The following EPHB1 variants were observed in gnomAD, a reference collection of about 807,000 sequenced individuals.
EPHB1 encodes ephrin type-B receptor 1.
In EPHB1, 30 loss-of-function variants were observed where a neutral mutation model predicts 94.4. That is an observed-to-expected ratio of 0.32 (90% CI 0.24 to 0.43). The LOEUF is 0.43. Ranked by LOEUF, EPHB1 falls within the 20% of genes least tolerant of loss-of-function variation. The pLI, the probability that EPHB1 is intolerant of heterozygous loss-of-function variation, is 1.00. For missense variants in EPHB1, 1,055 were observed against 1,308.3 expected, an observed-to-expected ratio of 0.81 and a Z score of 2.99; for synonymous variants, 522 against 489.1, an observed-to-expected ratio of 1.07 and a Z score of -0.89.
intron 4 of EPHB1, among the ~76,000 whole-genome samples, chr3:135,131,334 C>T (rs1940407469): frequency 1.3e-5 from 2 of 152,182 alleles, no homozygotes; most frequent in African/African-American, 4.8e-5. Context: ...ACACAGAATC[C>T]TTCCCTGGTG....
chr3:134,850,736 T>C (rs1371980943), intron 1 of EPHB1, among the ~76,000 whole-genome samples: 2 of 152,218 alleles, frequency 1.3e-5, no homozygotes, highest in East Asian at 3.9e-4. Flanking sequence ...CATTGCCTGC[T>C]CCCATGCTGG....
chr3:134,979,579 G>A (rs1162759703), intron 3 of EPHB1, among the ~76,000 whole-genome samples: 1 of 152,178 alleles, frequency 6.6e-6, no homozygotes, highest in African/African-American at 2.4e-5. Flanking sequence ...AATCTTATAA[G>A]GGAGTTACTA....
At chr3:134,995,185 CTA>C (rs1222446737) in intron 3 of EPHB1, among the ~76,000 whole-genome samples, 1 of 152,122 alleles carries the variant, frequency 6.6e-6, no homozygotes, top group Non-Finnish European at 1.5e-5. Flanking sequence ...TTCTTGATCT[CTA>C]TAATTTTGTC....
At chr3:134,987,659 T>C (rs1025621671) in intron 3 of EPHB1, among the ~76,000 whole-genome samples, 1 of 152,148 alleles carries the variant, frequency 6.6e-6, no homozygotes, top group Admixed American at 6.5e-5. Flanking sequence ...TAGTCCCAGT[T>C]ACTCTGGAGG....
At chr3:135,130,560 T>C (rs577346272) in intron 4 of EPHB1, among the ~76,000 whole-genome samples, 1 of 152,132 alleles carries the variant, frequency 6.6e-6, no homozygotes, top group South Asian at 2.1e-4. Flanking sequence ...GGTTTGAAAA[T>C]GGCAAAGACT....
rs773298865 is a variant in EPHB1 at position 135,259,035 on chromosome 3, C to T, written c.2870C>T (p.Thr957Ile). ...AGAGACCTCCTGAGAATAGGCATCA[C>T]CTTGGCAGGCCATCAGAAGAAGATC... ...TSEDLLRIGI[T>I]LAGHQKKILN... Residue 957 changes from threonine to isoleucine, a missense_variant, in exon 16 of 16, where the codon ACC (threonine) becomes ATC (isoleucine). Thr to Ile is a moderately conservative substitution (Grantham distance 89, BLOSUM62 -1). Coordinates refer to ENST00000398015, the MANE Select transcript of EPHB1 (RefSeq NM_004441.5). The T allele has an allele frequency of 1.1e-5, 18 of 1,609,318 alleles. No individual in the cohort carries two copies. Among genetic ancestry groups the T allele is most frequent in the Non-Finnish European group, 1.5e-5 (18 of 1,178,008 alleles).
chr3:135,241,438 C>A, intron 13 of EPHB1, 141 bp downstream of exon 13: 2 of 1,058,028 alleles, frequency 1.9e-6, no homozygotes, highest in Admixed American at 2.1e-5. Flanking sequence ...ACAGGGACAC[C>A]CTTAGCATGG....
chr3:135,043,737 T>C (rs1407719114), intron 3 of EPHB1, among the ~76,000 whole-genome samples: 1 of 152,204 alleles, frequency 6.6e-6, no homozygotes, highest in African/African-American at 2.4e-5. Flanking sequence ...CTTGCATCCA[T>C]AGAAATGCAG....
chr3:134,898,108 C>G (rs1488918689), intron 1 of EPHB1, among the ~76,000 whole-genome samples: 1 of 152,078 alleles, frequency 6.6e-6, no homozygotes, highest in Non-Finnish European at 1.5e-5. Context: ...GTGAGAGGGA[C>G]CTTACCCTAG....
chr3:134,824,261 C>T (rs1367122952), intron 1 of EPHB1, among the ~76,000 whole-genome samples: 5 of 149,166 alleles, frequency 3.4e-5, no homozygotes, highest in South Asian at 4.2e-4. Flanking sequence ...GACAATGAGG[C>T]GGAGCCAGTC....
intron 1 of EPHB1, among the ~76,000 whole-genome samples, chr3:134,846,660 A>G (rs1199229214): frequency 6.6e-6 from 1 of 151,908 alleles, no homozygotes; most frequent in Non-Finnish European, 1.5e-5. Flanking sequence ...GTCTTTGCAG[A>G]GGGGATGGAA....
At chr3:134,995,702 A>G (rs2107740087) in intron 3 of EPHB1, among the ~76,000 whole-genome samples, 1 of 151,274 alleles carries the variant, frequency 6.6e-6, no homozygotes, top group Middle Eastern at 3.4e-3. Flanking sequence ...GTGGGAATAT[A>G]AAATGGTACA....
At chr3:135,251,965 G>C (rs889017717) in intron 15 of EPHB1, among the ~76,000 whole-genome samples, 31 of 152,148 alleles carry the variant, frequency 2.0e-4, no homozygotes, top group African/African-American at 7.2e-4. Context: ...CTTACCTACT[G>C]TGTGACCTTG....
intron 3 of EPHB1, among the ~76,000 whole-genome samples, chr3:135,029,762 C>T (rs762616475): frequency 5.9e-5 from 9 of 151,844 alleles, no homozygotes; most frequent in Non-Finnish European, 7.4e-5. Flanking sequence ...TGAATCTGAA[C>T]GTTGGCCTGC....
chr3:134,984,113 G>T (rs1034763912), intron 3 of EPHB1, among the ~76,000 whole-genome samples: 2 of 152,214 alleles, frequency 1.3e-5, no homozygotes, highest in South Asian at 2.1e-4. Flanking sequence ...CACTAAAGGG[G>T]TAAAGAGGAT....
chr3:134,894,135 T>G (rs777401655), intron 1 of EPHB1, among the ~76,000 whole-genome samples: 8 of 152,342 alleles, frequency 5.3e-5, no homozygotes, highest in Admixed American at 2.0e-4. Context: ...AAGAGCACCA[T>G]CCCGTCTTCC....
At chr3:135,017,408 G>C (rs187391679) in intron 3 of EPHB1, among the ~76,000 whole-genome samples, 1 of 152,232 alleles carries the variant, frequency 6.6e-6, no homozygotes, top group African/African-American at 2.4e-5. Context: ...AATAGTGTGC[G>C]TGTGTGAGTG....
chr3:135,056,413 C>G (rs1937351766), intron 3 of EPHB1, among the ~76,000 whole-genome samples: 1 of 152,236 alleles, frequency 6.6e-6, no homozygotes, highest in African/African-American at 2.4e-5. Flanking sequence ...ATACACCCTT[C>G]TCAGCAGGTG....
chr3:134,951,953 A>T lies in EPHB1; in HGVS notation c.706A>T (p.Ile236Phe). The change falls in exon 3 of 16, where the codon ATC (isoleucine) becomes TTC (phenylalanine). Residue 236 changes from isoleucine (I) to phenylalanine (F), a missense_variant. Ile to Phe is a conservative substitution (Grantham distance 21). Coordinates refer to ENST00000398015, the MANE Select transcript of EPHB1 (RefSeq NM_004441.5). This position sits in a 1 kb window ranked among gnomAD's most constrained non-coding sequence, Gnocchi z 4.5. The stretch of plus-strand genomic sequence containing the variant: ...CAACGCAGAGGAAGTGGACGTGCCC[A>T]TCAAACTCTACTGCAACGGGGATGG... ...IPNAEEVDVP[I>F]KLYCNGDGEW... 6.2e-7 allele frequency: 1 copy of T among 1,614,054 alleles called. No individual in the cohort carries two copies. Among genetic ancestry groups the T allele is most frequent in the Non-Finnish European group, 8.5e-7 (1 of 1,179,908 alleles).
Sources: allele counts gnomAD v4.1 joint callset (sites outside exome capture counted in the v4.1 genomes callset), GRCh38; gene constraint gnomAD v4.1.1; non-coding constraint Gnocchi (gnomAD v3.1); transcripts MANE v1.5; gene names NCBI Gene and HGNC (gene_info 2026-07-23, HGNC 2026-07-21).